CDH20: variants seen among roughly 807,000 people sequenced by gnomAD.
The protein encoded by CDH20 is cadherin 20.
Under a neutral mutation model 74.2 loss-of-function variants are expected in CDH20, and 29 were observed. That is an observed-to-expected ratio of 0.39 (90% CI 0.29 to 0.53). The LOEUF (loss-of-function observed/expected upper bound fraction) is 0.53, where lower values mean the gene tolerates loss of function less well. Ranked by LOEUF, CDH20 falls within the 20% of genes least tolerant of loss-of-function variation. CDH20 has a pLI of 0.69. For synonymous variants in CDH20, 469 were observed against 405.4 expected (o/e 1.16, Z -1.88); for missense variants, 988 against 1,048.3 (o/e 0.94, Z 0.79).
intron 11 of CDH20, among the ~76,000 whole-genome samples, chr18:61,550,595 C>A (rs1913399784): frequency 6.6e-6 from 1 of 152,208 alleles, no homozygotes; most frequent in Admixed American, 6.5e-5. Context: ...TTGATGATCA[C>A]CTCTTCTAAC....
intron 6 of CDH20, among the ~76,000 whole-genome samples, chr18:61,511,890 T>C (rs1911795711): frequency 1.3e-5 from 2 of 152,094 alleles, no homozygotes; most frequent in Non-Finnish European, 2.9e-5. Flanking sequence ...TGCCAGAAAA[T>C]GGAATTAAGA....
chr18:61,483,042 A>G (rs1910641100), intron 1 of CDH20, among the ~76,000 whole-genome samples: 1 of 152,134 alleles, frequency 6.6e-6, no homozygotes, highest in Non-Finnish European at 1.5e-5. Context: ...GTTTTCTTTA[A>G]CTGGGAATGC....
chr18:61,520,020 C>A (rs1488036850), intron 6 of CDH20, among the ~76,000 whole-genome samples: 1 of 148,234 alleles, frequency 6.7e-6, no homozygotes, highest in Admixed American at 6.7e-5. Context: ...CAACAAAGAT[C>A]AAAAAAGACA....
At chr18:61,358,240 G>A (rs571247492) in intron 1 of CDH20, among the ~76,000 whole-genome samples, 16 of 150,268 alleles carry the variant, frequency 1.1e-4, no homozygotes, top group African/African-American at 3.7e-4. Context: ...TCAGCCTCCC[G>A]AGTAGCTGGG....
At chr18:61,477,657 A>T (rs1412605091) in intron 1 of CDH20, among the ~76,000 whole-genome samples, 1 of 152,230 alleles carries the variant, frequency 6.6e-6, no homozygotes, top group Non-Finnish European at 1.5e-5. Context: ...TTGCTCTAAT[A>T]ATGCTAATAA....
intron 1 of CDH20, among the ~76,000 whole-genome samples, chr18:61,445,806 G>A (rs1233111100): frequency 6.6e-6 from 1 of 152,124 alleles, no homozygotes; most frequent in African/African-American, 2.4e-5. Flanking sequence ...GGCTTGGGAG[G>A]GAGGGCTCCT....
intron 5 of CDH20, among the ~76,000 whole-genome samples, chr18:61,506,959 C>A (rs1911587883): frequency 6.6e-6 from 1 of 152,152 alleles, no homozygotes; most frequent in Non-Finnish European, 1.5e-5. Flanking sequence ...AAAAGATGGA[C>A]ATTTGAAGCG....
chr18:61,453,011 C>A (rs752054403), intron 1 of CDH20, among the ~76,000 whole-genome samples: 12 of 152,154 alleles, frequency 7.9e-5, no homozygotes, highest in African/African-American at 2.7e-4. Context: ...CCTGACTACC[C>A]TTTACCCCGT....
chr18:61,339,314 CT>C (rs1909858660), intron 1 of CDH20, among the ~76,000 whole-genome samples: 1 of 151,054 alleles, frequency 6.6e-6, no homozygotes, highest in Non-Finnish European at 1.5e-5. Context: ...AGTACTGAGT[CT>C]TTTTTATTTT....
chr18:61,355,795 G>A (rs1910477989), intron 1 of CDH20, among the ~76,000 whole-genome samples: 1 of 152,120 alleles, frequency 6.6e-6, no homozygotes, highest in African/African-American at 2.4e-5. Flanking sequence ...TTTATACACA[G>A]AAACATTAAT....
intron 1 of CDH20, among the ~76,000 whole-genome samples, chr18:61,476,447 T>G (rs1346616145): frequency 6.6e-6 from 1 of 152,138 alleles, no homozygotes; most frequent in Non-Finnish European, 1.5e-5. Context: ...TATATCCAAA[T>G]TCCTGATCCA....
chr18:61,530,531 G>A (rs192021539), intron 7 of CDH20, among the ~76,000 whole-genome samples: 69 of 152,122 alleles, frequency 4.5e-4, no homozygotes, highest in South Asian at 1.5e-3. Context: ...ACACATCACC[G>A]GAAGTTAAAA....
chr18:61,515,914 A>T (rs1911985395), intron 6 of CDH20, among the ~76,000 whole-genome samples: 1 of 127,092 alleles, frequency 7.9e-6, no homozygotes, highest in Admixed American at 8.8e-5. Context: ...TGTACCCTAA[A>T]ACTTAAAGTA....
At position 61,499,324 on chromosome 18, in the gene CDH20, C is replaced by T; in HGVS notation, c.385C>T (p.Gln129Ter). 2 of 1,613,990 alleles carry T rather than the reference C, an allele frequency of 1.2e-6. No individual in the cohort carries two copies. The highest frequency in any genetic ancestry group is 1.7e-6 in the Non-Finnish European group (2 of 1,179,966). ...GAGGCTCGACCGAGAGGAAAGAGCCCAGTATACTCTAAGGGCTCAAGCCCT... is the reference window on the plus strand; with the variant it reads ...GAGGCTCGACCGAGAGGAAAGAGCCTAGTATACTCTAAGGGCTCAAGCCCT... ...IQRLDREERA[Q>*]YTLRAQALDR... Residue 129 changes from glutamine (Q) to a stop codon, truncating the protein, a stop_gained, in exon 3 of 12, where the codon CAG becomes TAG. Transcript: ENST00000262717. LOFTEE classifies it high-confidence loss of function.
intron 1 of CDH20, among the ~76,000 whole-genome samples, chr18:61,377,333 A>G (rs760621394): frequency 1.3e-5 from 2 of 152,102 alleles, no homozygotes; most frequent in African/African-American, 2.4e-5. Flanking sequence ...GATAAACCCT[A>G]TTACAATGGA....
At chr18:61,426,364 A>T (rs958508882) in intron 1 of CDH20, among the ~76,000 whole-genome samples, 1 of 152,192 alleles carries the variant, frequency 6.6e-6, no homozygotes, top group Non-Finnish European at 1.5e-5. Context: ...GGCAAAGGAC[A>T]TAAAATTTAG....
chr18:61,390,827 C>T (rs1599053664), intron 1 of CDH20, among the ~76,000 whole-genome samples: 1 of 152,216 alleles, frequency 6.6e-6, no homozygotes, highest in Non-Finnish European at 1.5e-5. Flanking sequence ...AGTATCCCTC[C>T]CTTACTCCTC....
At position 61,550,244 on chromosome 18, in the gene CDH20, G is replaced by A; in HGVS notation, c.1900+15G>A. On this transcript the variant is annotated intron_variant, in intron 11 of 11. Transcript: ENST00000262717. ...TGTCCTCTTAGGTGAGTAAGGGGCT[G>A]CTTTCCCTTCTGTGGAGTCCTGCCA... 1 of 1,607,752 alleles carries A rather than the reference G, an allele frequency of 6.2e-7. No individual in the cohort carries two copies. Among genetic ancestry groups the A allele is most frequent in the Non-Finnish European group, 8.5e-7 (1 of 1,175,662 alleles).
At chr18:61,376,993 G>T (rs889071342) in intron 1 of CDH20, among the ~76,000 whole-genome samples, 1 of 152,116 alleles carries the variant, frequency 6.6e-6, no homozygotes, top group East Asian at 1.9e-4. Flanking sequence ...TAGCTGATAC[G>T]ACCAGAAAAG....
Sources: allele counts gnomAD v4.1 joint callset (sites outside exome capture counted in the v4.1 genomes callset), GRCh38; gene constraint gnomAD v4.1.1; transcripts MANE v1.5; gene names NCBI Gene and HGNC (gene_info 2026-07-23, HGNC 2026-07-21).